Variants in PGAP6 observed in about 807,000 individuals in gnomAD.
PGAP6 encodes post-GPI attachment to proteins factor 6.
Under a neutral mutation model 68.4 loss-of-function variants are expected in PGAP6, and 62 were observed. That is an observed-to-expected ratio of 0.91 (90% confidence interval 0.74 to 1.12). The LOEUF is 1.12. Among genes scored for constraint, PGAP6 ranks in the 50% most tolerant of loss-of-function variants. The pLI is 0.00. For synonymous variants in PGAP6, 575 were observed against 474.0 expected, an observed-to-expected ratio of 1.21 and a Z score of -2.77; for missense variants, 1,188 against 1,068.5, an observed-to-expected ratio of 1.11 and a Z score of -1.56.
In PGAP6 at chr16:375,435, T is replaced by G; in HGVS notation, c.1225A>C (p.Thr409Pro). 6.2e-7 allele frequency: 1 copy of G among 1,611,868 alleles called. No homozygotes were observed. ...SLTISLRANK[T>P]EMRNETVVVA... ...ACGACGGTCTCGTTCCGCATCTCTGTCTGGAAAGGGAGGCGGTGCCGGCTC... is the reference window on the plus strand; with the variant it reads ...ACGACGGTCTCGTTCCGCATCTCTGGCTGGAAAGGGAGGCGGTGCCGGCTC... Residue 409 changes from threonine to proline, a missense_variant and splice_region_variant, in exon 7 of 13, where the codon ACA becomes CCA. Thr to Pro is a conservative substitution (Grantham distance 38). Coordinates refer to ENST00000431232, the MANE Select transcript of PGAP6 (RefSeq NM_021259.3).
In PGAP6 at chr16:375,406, CACT is replaced by C. The variant is rs778826036; in HGVS notation, c.1251_1253del (p.Val418del). ...AGGGCGAGGCAGCATTCACGCAGGC[CACT>C]ACGACGGTCTCGTTCCGCATCTCTG... On this transcript the variant is annotated inframe_deletion, in exon 7 of 13. Coordinates refer to ENST00000431232, the MANE Select transcript of PGAP6 (RefSeq NM_021259.3). The C allele has an allele frequency of 1.7e-4, 277 of 1,612,826 alleles. 2 individuals are homozygous for C. The South Asian group carries it at 3.0e-3, about 17-fold the overall frequency.
At chr16:382,133 G>T (rs2054449176), upstream of PGAP6, 3 of 378,684 alleles carry the variant, frequency 7.9e-6, no homozygotes, top group South Asian at 3.9e-4. Flanking sequence ...ACGGACCGGG[G>T]CGCGCGCGGT....
chr16:386,726 CAAAAA>C, upstream of PGAP6: 16 of 311,052 alleles, frequency 5.1e-5, no homozygotes, highest in South Asian at 1.6e-4. Context: ...AAAAAAAAAC[CAAAAA>C]AAAAAAAAAA....
At chr16:383,081 A>G (rs978292668), upstream of PGAP6, among the ~76,000 whole-genome samples, 1 of 152,180 alleles carries the variant, frequency 6.6e-6, no homozygotes, top group African/African-American at 2.4e-5. Flanking sequence ...GCGCCACCGC[A>G]CTCCAGCCTG....
intron 6 of PGAP6, 93 bp from the exon 7 acceptor site, chr16:375,528 CCTTT>C (rs1204803881): frequency 3.5e-5 from 37 of 1,052,592 alleles, no homozygotes; most frequent in East Asian, 3.4e-4. Flanking sequence ...GGTGCTGGTG[CCTTT>C]CTTTTTTTTT....
rs758339706 is a variant in PGAP6, at chr16:376,256, G to A, written c.1104C>T (p.Phe368=). 22 of 1,612,714 alleles carry A rather than the reference G, an allele frequency of 1.4e-5. No individual in the cohort carries two copies. The highest frequency in any genetic ancestry group is 3.3e-5 in the Admixed American group (2 of 60,004). The change falls in exon 6 of 13, where the codon TTC becomes TTT. Residue 368 remains phenylalanine, a synonymous_variant. Transcript: ENST00000431232. The part of the protein sequence containing the change: ...REDMDVVSVH[F]QPLDRVSVRV... Reference sequence around the variant, plus strand: ...TCACCGAGACCCTGTCCAGGGGCTGGAAGTGCACCGACACCACGTCCATGT... The same window carrying A: ...TCACCGAGACCCTGTCCAGGGGCTGAAAGTGCACCGACACCACGTCCATGT...
rs372553836 is a variant in PGAP6 at position 372,731 on chromosome 16, C to A, written c.1903-4G>T. On this transcript the variant is annotated splice_polypyrimidine_tract_variant and splice_region_variant and intron_variant, in intron 11 of 12. Transcript: ENST00000431232. ...GTGTACCCAGAAGAAACAGCACCTG[C>A]GCAAGACACAGGGATGACTGCAGGG... 3.7e-6 allele frequency: 6 copies of A among 1,603,870 alleles called. No individual in the cohort carries two copies. In the East Asian group the frequency reaches 1.1e-4, roughly 30 times the overall value.
Position 377,811 on chromosome 16 carries a change from C to T in PGAP6, c.159G>A (p.Pro53=), listed in dbSNP as rs762865131. ...GLVSEHFSQA[P]QRLSFYSWYG... ...ACCAGCTGTAGAAGGACAGCCTCTG[C>T]GGGGCCTGCGAGAAGTGCTCGGACA... Residue 53 remains proline (P), a synonymous_variant, in exon 2 of 13, where the codon CCG becomes CCA. Transcript: ENST00000431232. 2.7e-5 allele frequency: 43 copies of T among 1,572,744 alleles called. No individual in the cohort carries two copies. Among genetic ancestry groups the T allele is most frequent in the Admixed American group, 3.7e-5 (2 of 53,716 alleles).
At position 371,898 on chromosome 16, in the gene PGAP6, A is replaced by G; in HGVS notation, c.*89T>C. 1.4e-6 allele frequency: 2 copies of G among 1,420,810 alleles called. No homozygotes were observed. Among genetic ancestry groups the G allele is most frequent in the Non-Finnish European group, 1.9e-6 (2 of 1,046,494 alleles). The allele number at this position is 1,420,810 out of a possible 1,614,324, so 88.0% of individuals were successfully genotyped here. ...GGCCAATTTATTCAGCTGGAAATCAATCTGTCCAGGGCTGGACCAGGCGCC... is the reference window on the plus strand; with the variant it reads ...GGCCAATTTATTCAGCTGGAAATCAGTCTGTCCAGGGCTGGACCAGGCGCC... On this transcript the variant is annotated 3_prime_UTR_variant, in exon 13 of 13. Coordinates refer to ENST00000431232, the MANE Select transcript of PGAP6 (RefSeq NM_021259.3).
At chr16:385,007 A>G (rs943671405), upstream of PGAP6, among the ~76,000 whole-genome samples, 1 of 151,782 alleles carries the variant, frequency 6.6e-6, no homozygotes, top group African/African-American at 2.4e-5. Context: ...CTCTACTAAA[A>G]ATATAAAAAT....
At chr16:386,977 G>A (rs1166538455), upstream of PGAP6, 1 of 566,742 alleles carries the variant, frequency 1.8e-6, no homozygotes, top group Non-Finnish European at 3.4e-6. Context: ...AACAAGCTTG[G>A]CCACTATGCT....
chr16:381,657 GC>G, intron 1 of PGAP6, 43 bp downstream of exon 1: 2 of 1,165,160 alleles, frequency 1.7e-6, no homozygotes, highest in Non-Finnish European at 2.1e-6. Context: ...CCCGCCCGCA[GC>G]CCCGGCCCCA....
intron 12 of PGAP6, 139 bp from the exon 13 acceptor site, chr16:372,422 A>G (rs2054343313): frequency 6.6e-6 from 7 of 1,059,344 alleles, no homozygotes; most frequent in Non-Finnish European, 9.7e-6. Flanking sequence ...GAGGGGGCTC[A>G]AGGCCACTGG....
Position 375,083 on chromosome 16 carries a change from A to G in PGAP6, c.1439+50T>C, listed in dbSNP as rs1419875988. ...TCAGGCAGCCCGGCCTGTGGTCCTG[A>G]GTGAAATGACAGGGTGCCTGGCCCC... On this transcript the variant is annotated intron_variant, in intron 8 of 12. Transcript: ENST00000431232. The G allele has an allele frequency of 1.9e-6, 3 of 1,604,166 alleles. No individual in the cohort carries two copies. The East Asian group carries it at 6.7e-5, about 36-fold the overall frequency.
chr16:380,915 C>A (rs1033913703), intron 1 of PGAP6, among the ~76,000 whole-genome samples: 1 of 152,210 alleles, frequency 6.6e-6, no homozygotes, highest in Non-Finnish European at 1.5e-5. Context: ...AGAAAGGACA[C>A]GGCCCCTCCA....
chr16:374,142 CGTGGTAGAA>C lies in PGAP6; in HGVS notation c.1756_1764del (p.Phe586_His588del). 1 of 1,610,914 alleles carries C rather than the reference CGTGGTAGAA, an allele frequency of 6.2e-7. No individual in the cohort carries two copies. Among genetic ancestry groups the C allele is most frequent in the Non-Finnish European group, 8.5e-7 (1 of 1,179,922 alleles). Reference sequence around the variant, plus strand: ...ACCGCCTCCCCGGGCTGGTCGCAGGCGTGGTAGAACTGTGGGGAGGCTCCATGAGCGCGG... The same window carrying C: ...ACCGCCTCCCCGGGCTGGTCGCAGGCCTGTGGGGAGGCTCCATGAGCGCGG... On this transcript the variant is annotated inframe_deletion and splice_region_variant, in exon 11 of 13. Coordinates refer to ENST00000431232, the MANE Select transcript of PGAP6 (RefSeq NM_021259.3).
At chr16:382,043 C>G (rs1400752637), upstream of PGAP6, 51 of 611,248 alleles carry the variant, frequency 8.3e-5, no homozygotes, top group Non-Finnish European at 9.9e-5. Flanking sequence ...GGGGGCGGGA[C>G]CGGGGGGGGC....
chr16:381,930 C>CGG lies in PGAP6; in HGVS notation c.-110_-109insCC. ...CGCCTCTGCCGCCTCCGCCTCTGCC[C>CGG]CCGGCGCCCATGGCCCGGCCGGTCC... On this transcript the variant is annotated 5_prime_UTR_variant, in exon 1 of 13. The change abolishes the stop of an existing upstream ORF in the 5' untranslated region. Coordinates refer to ENST00000431232, the MANE Select transcript of PGAP6 (RefSeq NM_021259.3). 1 of 973,116 alleles carries CGG rather than the reference C, an allele frequency of 1.0e-6. No individual in the cohort carries two copies. The highest frequency in any genetic ancestry group is 1.8e-5 in the African/African-American group (1 of 56,420). 60.3% of individuals were successfully genotyped at this position (973,116 alleles called of 1,614,324 possible). A position where few individuals can be genotyped will look rare whatever the true frequency, so the allele number is the denominator to read the frequency against.
intron 1 of PGAP6, among the ~76,000 whole-genome samples, chr16:379,943 G>A (rs894676182): frequency 6.6e-6 from 1 of 152,240 alleles, no homozygotes; most frequent in Non-Finnish European, 1.5e-5. Context: ...AGGGCTGGGT[G>A]GGGAAGGTGG....
Sources: allele counts gnomAD v4.1 joint callset (sites outside exome capture counted in the v4.1 genomes callset), GRCh38; gene constraint gnomAD v4.1.1; transcripts MANE v1.5; gene names NCBI Gene and HGNC (gene_info 2026-07-23, HGNC 2026-07-21).